The following PLCL2 variants were observed in gnomAD, a reference collection of about 807,000 sequenced individuals.
PLCL2 encodes phospholipase C like 2.
A neutral mutation model predicts 79.6 loss-of-function variants in PLCL2; 4 were observed. The ratio of observed to expected loss-of-function variants is 0.05; its 90% CI spans 0.02 to 0.11. The LOEUF is 0.11. Among genes scored for constraint, PLCL2 ranks in the 10% least tolerant of loss-of-function variants. The pLI is 1.00. For synonymous variants in PLCL2, 484 were observed against 457.7 expected (o/e 1.06, Z -0.73); for missense variants, 895 against 1,291.0 (o/e 0.69, Z 4.70).
intron 1 of PLCL2, among the ~76,000 whole-genome samples, chr3:16,940,507 G>A (rs1697653847): frequency 6.6e-6 from 1 of 152,152 alleles, no homozygotes; most frequent in South Asian, 2.1e-4. Context: ...GTGGAAGAGG[G>A]GCGTGGGTTG....
intron 1 of PLCL2, among the ~76,000 whole-genome samples, chr3:16,888,759 G>A (rs1696279831): frequency 6.6e-6 from 1 of 152,078 alleles, no homozygotes; most frequent in Non-Finnish European, 1.5e-5. Context: ...AGCATTTTAG[G>A]CCTTAGATTT....
At chr3:17,044,859 G>T (rs2064764486) in intron 4 of PLCL2, among the ~76,000 whole-genome samples, 1 of 152,080 alleles carries the variant, frequency 6.6e-6, no homozygotes, top group Admixed American at 6.6e-5. Flanking sequence ...TTTCAGTAAG[G>T]GATACATGTG....
At chr3:16,950,055 C>T (rs991877147) in intron 1 of PLCL2, among the ~76,000 whole-genome samples, 5 of 152,142 alleles carry the variant, frequency 3.3e-5, no homozygotes, top group African/African-American at 1.2e-4. Context: ...TGTATCTTCA[C>T]AAGGTTTTTC....
At position 17,062,263 on chromosome 3, in the gene PLCL2, T is replaced by C. The variant is rs569956989; in HGVS notation, c.3095-5693T>C. 2.2e-4 allele frequency among the ~76,000 whole-genome samples: 34 copies of C among 152,244 alleles called. 1 individual carries two copies. Among genetic ancestry groups the C allele is most frequent in the Non-Finnish European group, 4.3e-4 (29 of 68,040 alleles). On this transcript the variant is annotated intron_variant, in intron 4 of 5. Transcript: ENST00000615277. ...CATTAATTGGTATTCCTGCATGTTT[T>C]ATTGGATTCATGTAATATGCTCACA...
intron 3 of PLCL2, among the ~76,000 whole-genome samples, chr3:17,025,937 G>A (rs1575593238): frequency 6.6e-6 from 1 of 152,156 alleles, no homozygotes; most frequent in African/African-American, 2.4e-5. Flanking sequence ...TCAGAGCAGC[G>A]CACGTGTCTG....
intron 1 of PLCL2, among the ~76,000 whole-genome samples, chr3:16,972,080 A>C (rs2063875269): frequency 6.6e-6 from 1 of 152,090 alleles, no homozygotes; most frequent in South Asian, 2.1e-4. Flanking sequence ...ATCATACTGA[A>C]TGGGCAAAAA....
chr3:16,900,786 A>G (rs1254281858), intron 1 of PLCL2, among the ~76,000 whole-genome samples: 1 of 152,216 alleles, frequency 6.6e-6, no homozygotes, highest in Non-Finnish European at 1.5e-5. Context: ...ACACGTGGTC[A>G]CACTAGACTT....
intron 1 of PLCL2, among the ~76,000 whole-genome samples, chr3:16,890,075 C>G (rs1318980776): frequency 6.6e-6 from 1 of 152,208 alleles, no homozygotes; most frequent in East Asian, 1.9e-4. Context: ...TTAGACCACA[C>G]AAGTTAACTG....
At chr3:17,089,270 T>C (rs1409325867) in intron 5 of PLCL2, among the ~76,000 whole-genome samples, 3 of 152,218 alleles carry the variant, frequency 2.0e-5, no homozygotes, top group East Asian at 3.8e-4. Context: ...TATTGTGCTA[T>C]AGTTATGTGA....
At chr3:16,939,530 G>A (rs17042920) in intron 1 of PLCL2, among the ~76,000 whole-genome samples, 31,958 of 152,110 alleles carry the variant, frequency 0.21, 3,743 homozygotes, top group East Asian at 0.52. Flanking sequence ...ACAGACACCT[G>A]TAGACAAAGC....
intron 4 of PLCL2, among the ~76,000 whole-genome samples, chr3:17,059,830 T>C (rs902584538): frequency 6.6e-6 from 1 of 152,148 alleles, no homozygotes; most frequent in African/African-American, 2.4e-5. Context: ...ACCATATGAC[T>C]ACATTATCTG....
At chr3:16,924,304 G>T (rs1279770892) in intron 1 of PLCL2, among the ~76,000 whole-genome samples, 5 of 152,132 alleles carry the variant, frequency 3.3e-5, no homozygotes, top group Non-Finnish European at 5.9e-5. Context: ...TTTGGTTAGT[G>T]ACATTTCTAT....
At chr3:17,019,889 G>A (rs1023711498) in intron 3 of PLCL2, among the ~76,000 whole-genome samples, 2 of 152,068 alleles carry the variant, frequency 1.3e-5, no homozygotes, top group Non-Finnish European at 1.5e-5. Flanking sequence ...TGTAATTAAG[G>A]GCTGGTAAGA....
At chr3:16,957,668 CTGTT>C (rs1217799215) in intron 1 of PLCL2, among the ~76,000 whole-genome samples, 5 of 152,196 alleles carry the variant, frequency 3.3e-5, no homozygotes, top group African/African-American at 1.2e-4. Context: ...GAGTCTCAGT[CTGTT>C]TGTAGGTCAC....
At chr3:16,974,635 T>G (rs4684306) in intron 1 of PLCL2, among the ~76,000 whole-genome samples, 1 of 152,064 alleles carries the variant, frequency 6.6e-6, no homozygotes, top group African/African-American at 2.4e-5. Flanking sequence ...TCCAGACTTA[T>G]GTTTCCCAAA....
chr3:16,962,558 A>G (rs539604827), intron 1 of PLCL2, among the ~76,000 whole-genome samples: 4 of 152,266 alleles, frequency 2.6e-5, no homozygotes, highest in African/African-American at 9.6e-5. Context: ...AGGAATGGAT[A>G]TACTCATTGA....
intron 3 of PLCL2, among the ~76,000 whole-genome samples, chr3:17,021,652 C>T (rs1422787199): frequency 2.0e-5 from 3 of 151,364 alleles, no homozygotes; most frequent in African/African-American, 7.3e-5. Flanking sequence ...AAGCAAGGAA[C>T]AGTTGAGGAA....
At chr3:16,892,524 ACTC>A (rs1696374216) in intron 1 of PLCL2, among the ~76,000 whole-genome samples, 1 of 151,952 alleles carries the variant, frequency 6.6e-6, no homozygotes, top group African/African-American at 2.4e-5. Context: ...AATTACTTAA[ACTC>A]CTATTGTCAT....
chr3:16,908,444 A>G (rs1696799387), intron 1 of PLCL2, among the ~76,000 whole-genome samples: 1 of 152,210 alleles, frequency 6.6e-6, no homozygotes, highest in South Asian at 2.1e-4. Context: ...ATACGTTTCA[A>G]TGGTTGACGT....
Sources: allele counts gnomAD v4.1 joint callset (sites outside exome capture counted in the v4.1 genomes callset), GRCh38; gene constraint gnomAD v4.1.1; transcripts MANE v1.5; gene names NCBI Gene and HGNC (gene_info 2026-07-23, HGNC 2026-07-21).